LNPEP: variants seen among roughly 807,000 people sequenced by gnomAD.
LNPEP encodes leucyl and cystinyl aminopeptidase.
LNPEP carries 64 observed loss-of-function variants against 120.6 expected under a neutral mutation model. The ratio of observed to expected loss-of-function variants is 0.53; its 90% CI spans 0.43 to 0.65. The LOEUF (loss-of-function observed/expected upper bound fraction) is 0.65. LNPEP is among the 30% of genes least tolerant of loss of function. The pLI is 0.00. For missense variants in LNPEP, 1,057 were observed against 1,200.0 expected, an observed-to-expected ratio of 0.88 and a Z score of 1.76; for synonymous variants, 435 against 425.4, an observed-to-expected ratio of 1.02 and a Z score of -0.28.
At chr5:96,974,490 A>G (rs1789942630) in intron 1 of LNPEP, among the ~76,000 whole-genome samples, 2 of 151,790 alleles carry the variant, frequency 1.3e-5, no homozygotes, top group South Asian at 4.2e-4. Context: ...GTCTTTCTTT[A>G]CTGTTCCTTT....
intron 1 of LNPEP, among the ~76,000 whole-genome samples, chr5:96,942,050 CAG>C (rs921690398): frequency 2.0e-5 from 3 of 152,210 alleles, no homozygotes; most frequent in African/African-American, 7.2e-5. Flanking sequence ...ATTGGGGGCT[CAG>C]GGGACAAATG....
At chr5:97,013,256 G>A (rs977630378) in intron 11 of LNPEP, among the ~76,000 whole-genome samples, 2 of 152,056 alleles carry the variant, frequency 1.3e-5, no homozygotes, top group African/African-American at 2.4e-5. Context: ...CCAAGAAATC[G>A]CTCCTAACTT....
chr5:96,973,729 A>G (rs886547201), intron 1 of LNPEP, among the ~76,000 whole-genome samples: 1 of 152,156 alleles, frequency 6.6e-6, no homozygotes, highest in African/African-American at 2.4e-5. Context: ...AATCCCCCAC[A>G]GATGCCTAGG....
chr5:96,991,090 C>T (rs1183919011), intron 4 of LNPEP, among the ~76,000 whole-genome samples: 1 of 152,176 alleles, frequency 6.6e-6, no homozygotes, highest in African/African-American at 2.4e-5. Context: ...TCCCAAAGTC[C>T]ATTGTATCAT....
chr5:97,009,884 C>T (rs1274591608), intron 11 of LNPEP, among the ~76,000 whole-genome samples: 1 of 151,984 alleles, frequency 6.6e-6, no homozygotes, highest in Non-Finnish European at 1.5e-5. Context: ...CTTCAGGCTT[C>T]TTTTATGCTG....
rs183063841 is a variant in LNPEP at position 97,031,250 on chromosome 5, A to C, written c.*2717A>C. The C allele has an allele frequency of 2.0e-5, 3 of 151,936 alleles. No individual in the cohort carries two copies. Among genetic ancestry groups the C allele is most frequent in the Non-Finnish European group, 2.9e-5 (2 of 67,982 alleles). 9.4% of individuals were successfully genotyped at this position (151,936 alleles called of 1,614,324 possible). On this transcript the variant is annotated 3_prime_UTR_variant, in exon 18 of 18. Transcript: ENST00000231368. Reference sequence around the variant, plus strand: ...CTTTGGAGATCTAAAAAAGTTATGAATGTAGGAATTAGATAAGTCCAGTTT... The same window carrying C: ...CTTTGGAGATCTAAAAAAGTTATGACTGTAGGAATTAGATAAGTCCAGTTT...
intron 13 of LNPEP, among the ~76,000 whole-genome samples, chr5:97,020,484 T>C (rs1196052591): frequency 2.0e-5 from 3 of 152,148 alleles, no homozygotes; most frequent in African/African-American, 7.2e-5. Flanking sequence ...GTCCTTCTTA[T>C]GTAGCCATGA....
chr5:96,971,345 TTGTGTGTGTGTGTG>T (rs3076561), intron 1 of LNPEP, among the ~76,000 whole-genome samples: 28 of 142,920 alleles, frequency 2.0e-4, no homozygotes, highest in South Asian at 6.7e-4. Context: ...ACATTATTAT[TTGTGTGTGTGTGTG>T]TGTGTGTGTG....
At chr5:96,948,162 G>T (rs1403933151) in intron 1 of LNPEP, among the ~76,000 whole-genome samples, 1 of 150,526 alleles carries the variant, frequency 6.6e-6, no homozygotes, top group Non-Finnish European at 1.5e-5. Context: ...CTGTCTCCCA[G>T]GCTGGAGTGC....
chr5:96,971,347 G>T (rs1179881610), intron 1 of LNPEP, among the ~76,000 whole-genome samples: 2 of 124,738 alleles, frequency 1.6e-5, no homozygotes, highest in South Asian at 2.7e-4. Context: ...ATTATTATTT[G>T]TGTGTGTGTG....
chr5:96,961,637 A>C (rs188663420), intron 1 of LNPEP, among the ~76,000 whole-genome samples: 11 of 152,248 alleles, frequency 7.2e-5, no homozygotes, highest in Admixed American at 3.9e-4. Flanking sequence ...GATTGGTTCC[A>C]GGATCCCCTC....
At chr5:97,026,545 TTTTAA>T (rs1791343831) in intron 15 of LNPEP, 67 bp from the exon 16 acceptor site, 9 of 1,249,064 alleles carry the variant, frequency 7.2e-6, no homozygotes, top group Non-Finnish European at 1.0e-5. Flanking sequence ...ACCATACTAA[TTTTAA>T]TTTAAGTTCA....
intron 8 of LNPEP, among the ~76,000 whole-genome samples, chr5:97,000,313 T>C (rs1280458468): frequency 6.6e-6 from 1 of 152,100 alleles, no homozygotes; most frequent in Non-Finnish European, 1.5e-5. Flanking sequence ...GTAGAAGAAA[T>C]AACCAATGTA....
rs773815312 is a variant in LNPEP at position 96,998,152 on chromosome 5, C to T, written c.1653+7C>T. Reference sequence around the variant, plus strand: ...TTCTCTTTCCTATTTTAAGGTATTGCTGTGAACAAAAAGGTAGCTGGAGTG... The same window carrying T: ...TTCTCTTTCCTATTTTAAGGTATTGTTGTGAACAAAAAGGTAGCTGGAGTG... On this transcript the variant is annotated splice_region_variant and intron_variant, in intron 8 of 17. Coordinates refer to ENST00000231368, the MANE Select transcript of LNPEP (RefSeq NM_005575.3). 32 of 1,585,776 alleles carry T rather than the reference C, an allele frequency of 2.0e-5. No individual in the cohort carries two copies. In the South Asian group the frequency reaches 3.1e-4, roughly 16 times the overall value.
chr5:97,020,532 G>A (rs987010374), intron 13 of LNPEP, among the ~76,000 whole-genome samples: 3 of 152,160 alleles, frequency 2.0e-5, no homozygotes, highest in Non-Finnish European at 4.4e-5. Context: ...GCCAGGTATG[G>A]TGGCTCACGC....
At chr5:96,986,351 C>T (rs1790243453) in intron 3 of LNPEP, among the ~76,000 whole-genome samples, 188 bp from the exon 4 acceptor site, 1 of 152,184 alleles carries the variant, frequency 6.6e-6, no homozygotes, top group African/African-American at 2.4e-5. Flanking sequence ...CATATGTCCT[C>T]AGGATGAAGG....
At chr5:97,022,085 C>T (rs1413720368) in intron 13 of LNPEP, among the ~76,000 whole-genome samples, 2 of 151,796 alleles carry the variant, frequency 1.3e-5, no homozygotes, top group Non-Finnish European at 1.5e-5. Flanking sequence ...GCACGACCAT[C>T]ATGCCTGCCT....
At chr5:97,015,201 A>G (rs750988682) in intron 13 of LNPEP, 106 bp downstream of exon 13, 11 of 643,838 alleles carry the variant, frequency 1.7e-5, no homozygotes, top group Non-Finnish European at 2.4e-5. Context: ...GTTAAATTCC[A>G]TTTTCTTCAC....
In LNPEP at chr5:96,979,774, T is replaced by C. The variant is rs755111403; in HGVS notation, c.656T>C (p.Val219Ala). The C allele has an allele frequency of 5.0e-6, 8 of 1,613,852 alleles. No individual in the cohort carries two copies. The highest frequency in any genetic ancestry group is 6.8e-6 in the Non-Finnish European group (8 of 1,179,944). Residue 219 changes from valine (V) to alanine (A), a missense_variant, in exon 2 of 18, where the codon GTG (valine) becomes GCG (alanine). Val to Ala is a moderately conservative substitution (Grantham distance 64, BLOSUM62 0). Transcript: ENST00000231368. ...LHSTGHNISR[V>A]TFMSAVSSQE... ...AGCACAGGTCATAATATTTCAAGAGTGACCTTTATGTCAGCAGTTTCAAGC... is the reference window on the plus strand; with the variant it reads ...AGCACAGGTCATAATATTTCAAGAGCGACCTTTATGTCAGCAGTTTCAAGC...
Sources: gnomAD v4.1 joint callset for allele counts (sites outside exome capture counted in the v4.1 genomes callset) on GRCh38, gnomAD v4.1.1 for gene constraint, MANE v1.5 for transcripts, NCBI Gene and HGNC (gene_info 2026-07-23, HGNC 2026-07-21) for gene names.